The following CDK5RAP2 variants were observed in gnomAD, a reference collection of about 807,000 sequenced individuals.
The protein encoded by CDK5RAP2 is CDK5 regulatory subunit-associated protein 2.
CDK5RAP2 carries 147 observed loss-of-function variants against 232.9 expected under a neutral mutation model. The ratio of observed to expected loss-of-function variants is 0.63; its 90% confidence interval spans 0.55 to 0.72. The LOEUF (loss-of-function observed/expected upper bound fraction) is 0.72, where lower values mean the gene tolerates loss of function less well. Ranked by LOEUF, CDK5RAP2 falls within the 30% of genes least tolerant of loss-of-function variation. CDK5RAP2 has a pLI of 0.00. For missense variants in CDK5RAP2, 2,195 were observed against 2,231.5 expected, an observed-to-expected ratio of 0.98 and a Z score of 0.33; for synonymous variants, 833 against 833.7, an observed-to-expected ratio of 1.00 and a Z score of 0.01.
At chr9:120,562,923 C>T (rs1192779486) in intron 3 of CDK5RAP2, among the ~76,000 whole-genome samples, 1 of 152,154 alleles carries the variant, frequency 6.6e-6, no homozygotes, top group South Asian at 2.1e-4. Context: ...CAAGGTTACA[C>T]ATTCATTCAA....
chr9:120,563,849 A>C (rs185908942), intron 3 of CDK5RAP2, among the ~76,000 whole-genome samples: 4 of 152,382 alleles, frequency 2.6e-5, no homozygotes, highest in African/African-American at 9.6e-5. Flanking sequence ...TGAAACCACA[A>C]ACAAAACACT....
intron 11 of CDK5RAP2, among the ~76,000 whole-genome samples, chr9:120,521,315 A>G (rs898920108): frequency 2.0e-5 from 3 of 152,178 alleles, no homozygotes; most frequent in Admixed American, 2.0e-4. Flanking sequence ...GAAGAGCTCA[A>G]ATATCTTGCC....
At chr9:120,483,762 C>T (rs1327252463) in intron 14 of CDK5RAP2, among the ~76,000 whole-genome samples, 5 of 152,156 alleles carry the variant, frequency 3.3e-5, no homozygotes, top group African/African-American at 1.2e-4. Context: ...ACACCAAAGC[C>T]GGGCATTTTC....
chr9:120,558,371 CAAAAAAAAAAA>C (rs60669308), intron 3 of CDK5RAP2, among the ~76,000 whole-genome samples: 624 of 40,092 alleles, frequency 0.016, 6 homozygotes, highest in South Asian at 0.081. Context: ...GACTCCGTCT[CAAAAAAAAAAA>C]AAAAAAAAAA....
rs545392508 is a variant in CDK5RAP2 at position 120,475,286 on chromosome 9, A to G, written c.1727+2064T>C. Among the ~76,000 whole-genome samples, 4 of 152,310 alleles carry G rather than the reference A, an allele frequency of 2.6e-5. No individual in the cohort carries two copies. In the South Asian group the frequency reaches 8.3e-4, roughly 32 times the overall value. On this transcript the variant is annotated intron_variant, in intron 15 of 37. Coordinates refer to ENST00000349780, the MANE Select transcript of CDK5RAP2 (RefSeq NM_018249.6). ...CCCACTGAATGTATTACAAGTCTGA[A>G]GATGAACAGGAAGCCTTTTAAGAAA...
chr9:120,437,095 G>A (rs568066321), intron 25 of CDK5RAP2, among the ~76,000 whole-genome samples, 200 bp downstream of exon 25: 38 of 152,262 alleles, frequency 2.5e-4, no homozygotes, highest in Admixed American at 5.2e-4. Context: ...TGGACTCCTG[G>A]TTTGTAACAG....
rs2038855218 is a variant in CDK5RAP2, at chr9:120,490,647, CT to C, written c.1482+659del. On this transcript the variant is annotated intron_variant, in intron 13 of 37. Coordinates refer to ENST00000349780, the MANE Select transcript of CDK5RAP2 (RefSeq NM_018249.6). ...TATGCCCTTAACACTTGCCCATCCA[CT>C]TAGCCAAATTTTTTTTTCTTTGTTT... Among the ~76,000 whole-genome samples the C allele has an allele frequency of 3.3e-5, 5 of 152,350 alleles. No homozygotes were observed. The South Asian group carries it at 8.3e-4, about 25-fold the overall frequency.
intron 17 of CDK5RAP2, 53 bp downstream of exon 17, chr9:120,470,058 C>G: frequency 1.1e-6 from 1 of 927,744 alleles, no homozygotes; most frequent in Non-Finnish European, 1.7e-6. Flanking sequence ...CAAGATACAA[C>G]AAACAATCTA....
intron 13 of CDK5RAP2, among the ~76,000 whole-genome samples, chr9:120,487,866 T>C (rs1368621719): frequency 2.0e-5 from 3 of 152,172 alleles, no homozygotes; most frequent in Non-Finnish European, 4.4e-5. Flanking sequence ...CCCAACGAAG[T>C]CTTAGTCTCT....
At chr9:120,443,551 T>C in intron 23 of CDK5RAP2, 69 bp downstream of exon 23, 3 of 1,553,624 alleles carry the variant, frequency 1.9e-6, no homozygotes, top group South Asian at 1.1e-5. Flanking sequence ...TAATAATTTT[T>C]AGATAAAACA....
intron 21 of CDK5RAP2, 92 bp downstream of exon 21, chr9:120,453,364 T>C (rs906661392): frequency 1.6e-6 from 2 of 1,215,834 alleles, no homozygotes; most frequent in Non-Finnish European, 2.3e-6. Context: ...TCTTGTCATA[T>C]AAATGGGAAA....
rs751853766 is a variant in CDK5RAP2, at chr9:120,439,751, C to T, written c.3370G>A (p.Glu1124Lys). The T allele has an allele frequency of 6.2e-6, 10 of 1,614,134 alleles. No individual in the cohort carries two copies. Among genetic ancestry groups the T allele is most frequent in the Non-Finnish European group, 8.5e-6 (10 of 1,180,020 alleles). Residue 1124 changes from glutamate (E) to lysine (K), a missense_variant, in exon 24 of 38, where the codon GAA becomes AAA. Transcript: ENST00000349780. ...TGAAATATGAAATTCTGGTAGCCTT[C>T]CAGCTCAGTTTCCAAGTCATGGATT... ...QKIHDLETEL[E>K]GYQNFIFQLQ...
At position 120,407,240 on chromosome 9, in the gene CDK5RAP2, C is replaced by G; in HGVS notation, c.4735G>C (p.Gly1579Arg). The change falls in exon 32 of 38, where the codon GGA (glycine) becomes CGA (arginine). Residue 1579 changes from glycine to arginine, a missense_variant. Physicochemically the swap from Gly to Arg is moderately radical, Grantham distance 125. Transcript: ENST00000349780. ...EEHRRLREAS[G>R]EGWKGQDPFR... is the part of the protein sequence containing the mutation. ...GGATCCTGCCCCTTCCAGCCTTCTC[C>G]CGACGCCTCTGAGGACATGTGCAAA... The G allele has an allele frequency of 5.6e-6, 9 of 1,611,762 alleles. No homozygotes were observed. Among genetic ancestry groups the G allele is most frequent in the Non-Finnish European group, 7.6e-6 (9 of 1,179,344 alleles).
chr9:120,518,331 T>C, intron 12 of CDK5RAP2, 96 bp downstream of exon 12: 1 of 963,656 alleles, frequency 1.0e-6, no homozygotes, highest in Non-Finnish European at 1.7e-6. Context: ...AATATTTTCT[T>C]AAGTCTTCTG....
intron 1 of CDK5RAP2, among the ~76,000 whole-genome samples, chr9:120,577,439 G>A (rs919331288): frequency 1.3e-5 from 2 of 152,018 alleles, no homozygotes; most frequent in Admixed American, 6.6e-5. Context: ...GGAATAGGGA[G>A]TTACTGTTTT....
At chr9:120,567,911 A>T (rs1363400483) in intron 3 of CDK5RAP2, among the ~76,000 whole-genome samples, 2 of 152,232 alleles carry the variant, frequency 1.3e-5, no homozygotes, top group Non-Finnish European at 2.9e-5. Context: ...ATGATACAAA[A>T]TATCTCAAAG....
At chr9:120,569,299 C>T (rs1052047866) in intron 2 of CDK5RAP2, among the ~76,000 whole-genome samples, 4 of 152,172 alleles carry the variant, frequency 2.6e-5, no homozygotes, top group African/African-American at 9.7e-5. Context: ...CAAACAAATG[C>T]AGCCGATAGT....
At chr9:120,402,774 G>C (rs1392753965) in intron 34 of CDK5RAP2, 32 bp downstream of exon 34, 1 of 1,612,396 alleles carries the variant, frequency 6.2e-7, no homozygotes, top group Admixed American at 1.7e-5. Context: ...CCAGGGAGCA[G>C]CTTGTGCCCC....
chr9:120,515,473 T>C (rs1196305976), intron 12 of CDK5RAP2, among the ~76,000 whole-genome samples: 1 of 152,252 alleles, frequency 6.6e-6, no homozygotes, highest in Non-Finnish European at 1.5e-5. Flanking sequence ...AAAATAAAAC[T>C]TTCAGGAGTT....
Sources: gnomAD v4.1 joint callset for allele counts (sites outside exome capture counted in the v4.1 genomes callset) on GRCh38, gnomAD v4.1.1 for gene constraint, MANE v1.5 for transcripts, NCBI Gene and HGNC (gene_info 2026-07-23, HGNC 2026-07-21) for gene names.